The following PLD1 variants were observed in gnomAD, a reference collection of about 807,000 sequenced individuals.
The protein encoded by PLD1 is phospholipase D1, also known as choline phosphatase 1.
In PLD1, 112 loss-of-function variants were observed where a neutral mutation model predicts 137.1. That is an observed-to-expected ratio of 0.82 (90% confidence interval 0.70 to 0.96). The LOEUF is 0.96. Among genes scored for constraint, PLD1 ranks in the 40% least tolerant of loss-of-function variants. The pLI, the probability that PLD1 is intolerant of heterozygous loss-of-function variation, is 0.00. For missense variants in PLD1, 1,321 were observed against 1,342.0 expected (o/e 0.98, Z 0.24); for synonymous variants, 431 against 454.7 (o/e 0.95, Z 0.66).
At chr3:171,710,626 C>G (rs967465189) in intron 9 of PLD1, among the ~76,000 whole-genome samples, 1 of 152,194 alleles carries the variant, frequency 6.6e-6, no homozygotes, top group Non-Finnish European at 1.5e-5. Context: ...CAGTTCCGAA[C>G]AGGACACGGA....
intron 23 of PLD1, among the ~76,000 whole-genome samples, chr3:171,641,776 T>C (rs183533116): frequency 2.0e-5 from 3 of 152,252 alleles, no homozygotes; most frequent in African/African-American, 7.2e-5. Flanking sequence ...CACCTTTGTC[T>C]CTTGCTTGCC....
At chr3:171,779,567 G>T (rs1722710212) in intron 1 of PLD1, among the ~76,000 whole-genome samples, 2 of 152,208 alleles carry the variant, frequency 1.3e-5, no homozygotes, top group African/African-American at 4.8e-5. Flanking sequence ...TAGGACGTTG[G>T]ATACCTAAGT....
At chr3:171,743,677 G>A (rs1347367951) in intron 1 of PLD1, among the ~76,000 whole-genome samples, 1 of 152,164 alleles carries the variant, frequency 6.6e-6, no homozygotes, top group Non-Finnish European at 1.5e-5. Context: ...ATGAGCACGG[G>A]CTCACACACA....
chr3:171,677,432 C>T (rs1258393577), intron 17 of PLD1, 134 bp downstream of exon 17: 1 of 850,980 alleles, frequency 1.2e-6, no homozygotes. Flanking sequence ...ATCTAGTCTC[C>T]AAAGTTTTAA....
chr3:171,790,188 A>C (rs1723160787), intron 1 of PLD1, among the ~76,000 whole-genome samples: 1 of 152,202 alleles, frequency 6.6e-6, no homozygotes, highest in Non-Finnish European at 1.5e-5. Flanking sequence ...CCCTCCCTGG[A>C]TTCAGAGACT....
intron 1 of PLD1, among the ~76,000 whole-genome samples, chr3:171,805,473 C>G (rs137947155): frequency 3.3e-5 from 5 of 152,226 alleles, no homozygotes; most frequent in African/African-American, 1.2e-4. Flanking sequence ...TAACACCCAA[C>G]CCCTTCCAAA....
chr3:171,797,284 CCT>C (rs1447641540), intron 1 of PLD1, among the ~76,000 whole-genome samples: 4 of 152,192 alleles, frequency 2.6e-5, no homozygotes, highest in Admixed American at 6.5e-5. Flanking sequence ...CTCTCCACAC[CCT>C]GTTTCCCATT....
At chr3:171,735,963 A>G (rs895265185) in intron 3 of PLD1, among the ~76,000 whole-genome samples, 2 of 152,234 alleles carry the variant, frequency 1.3e-5, no homozygotes, top group African/African-American at 4.8e-5. Flanking sequence ...ACAATGAGAA[A>G]GGCCCTAATT....
At chr3:171,628,879 T>C (rs1471849549) in intron 23 of PLD1, among the ~76,000 whole-genome samples, 3 of 151,948 alleles carry the variant, frequency 2.0e-5, no homozygotes, top group Non-Finnish European at 2.9e-5. Flanking sequence ...AAAAGAGCTA[T>C]CTATGACAAA....
rs527395378 is a variant in PLD1, at chr3:171,608,884, A to C, written c.2882+3395T>G. Among the ~76,000 whole-genome samples, 223 of 152,318 alleles carry C rather than the reference A, an allele frequency of 1.5e-3. 3 individuals are homozygous for C. The highest frequency in any genetic ancestry group is 1.2e-3 in the South Asian group (6 of 4,824). ...AGAAAAAGGCAGGTGGGGAAAAAAAAGAAAAAAACAGATTGATTTGATTAA... is the reference window on the plus strand; with the variant it reads ...AGAAAAAGGCAGGTGGGGAAAAAAACGAAAAAAACAGATTGATTTGATTAA... On this transcript the variant is annotated intron_variant, in intron 25 of 26. Transcript: ENST00000351298.
At chr3:171,809,787 T>G (rs1011547463) in intron 1 of PLD1, 1 of 152,258 alleles carries the variant, frequency 6.6e-6, no homozygotes, top group African/African-American at 2.4e-5. Context: ...AATCGTATTG[T>G]GAGGAAGAAG....
intron 23 of PLD1, among the ~76,000 whole-genome samples, chr3:171,637,912 G>A (rs1028840843): frequency 6.6e-6 from 1 of 152,076 alleles, no homozygotes; most frequent in Admixed American, 6.5e-5. Context: ...TGGGCACGGT[G>A]GCTCACGCCT....
chr3:171,638,184 CAAAA>C (rs1040418705), intron 23 of PLD1, among the ~76,000 whole-genome samples: 23 of 66,810 alleles, frequency 3.4e-4, no homozygotes, highest in Non-Finnish European at 6.3e-4. Context: ...GACTCCGTCT[CAAAA>C]AAAAAAAAAA....
At chr3:171,626,228 G>A (rs964743040) in intron 23 of PLD1, among the ~76,000 whole-genome samples, 13 of 152,168 alleles carry the variant, frequency 8.5e-5, no homozygotes, top group East Asian at 3.8e-4. Context: ...GAGCCGATGC[G>A]ATCAACTGGA....
chr3:171,716,390 G>A (rs990546584), intron 8 of PLD1, among the ~76,000 whole-genome samples: 1 of 152,092 alleles, frequency 6.6e-6, no homozygotes, highest in Non-Finnish European at 1.5e-5. Context: ...CTGAAACCTC[G>A]TCAGCATCTG....
At chr3:171,803,412 G>A (rs1051470123) in intron 1 of PLD1, among the ~76,000 whole-genome samples, 2 of 152,202 alleles carry the variant, frequency 1.3e-5, no homozygotes, top group African/African-American at 4.8e-5. Flanking sequence ...GTGGTGTGCT[G>A]AGAAATGCTT....
intron 16 of PLD1, among the ~76,000 whole-genome samples, chr3:171,683,402 C>G (rs1291869765): frequency 6.6e-6 from 1 of 152,146 alleles, no homozygotes; most frequent in East Asian, 1.9e-4. Flanking sequence ...TAACCCACCC[C>G]AGCCCACCTC....
intron 12 of PLD1, among the ~76,000 whole-genome samples, chr3:171,694,424 A>C (rs1395619458): frequency 6.6e-6 from 1 of 152,170 alleles, no homozygotes; most frequent in African/African-American, 2.4e-5. Flanking sequence ...GTCTGGCCAG[A>C]GAGTGCTCTG....
chr3:171,729,755 G>A (rs56222091), intron 6 of PLD1, among the ~76,000 whole-genome samples: 3,610 of 152,284 alleles, frequency 0.024, 67 homozygotes, highest in Middle Eastern at 0.068. Flanking sequence ...ATTTGAAGAT[G>A]CAGCTGTTCA....
Sources: gnomAD v4.1 joint callset for allele counts (sites outside exome capture counted in the v4.1 genomes callset) on GRCh38, gnomAD v4.1.1 for gene constraint, MANE v1.5 for transcripts, NCBI Gene and HGNC (gene_info 2026-07-23, HGNC 2026-07-21) for gene names.